TMEM132C: variants seen among roughly 807,000 people sequenced by gnomAD.
TMEM132C encodes transmembrane protein 132C, also known as protein phosphatase 1, regulatory subunit 152.
A neutral mutation model predicts 61.4 loss-of-function variants in TMEM132C; 29 were observed. That is an observed-to-expected ratio of 0.47 (90% CI 0.35 to 0.64). TMEM132C has a LOEUF of 0.64. Ranked by LOEUF, TMEM132C falls within the 30% of genes least tolerant of loss-of-function variation. The pLI is 0.00. For synonymous variants in TMEM132C, 656 were observed against 633.1 expected (o/e 1.04, Z -0.54); for missense variants, 1,408 against 1,476.9 (o/e 0.95, Z 0.76).
At chr12:128,521,292 C>G (rs1482093354) in intron 2 of TMEM132C, among the ~76,000 whole-genome samples, 1 of 138,768 alleles carries the variant, frequency 7.2e-6, no homozygotes, top group Non-Finnish European at 1.5e-5. Context: ...GACATCTGTG[C>G]TTCTGTATAT....
In TMEM132C at chr12:128,517,728, G is replaced by A. The variant is rs138111467; in HGVS notation, c.975-26229G>A. 5.3e-3 allele frequency among the ~76,000 whole-genome samples: 811 copies of A among 152,240 alleles called. 10 individuals carry two copies. Among genetic ancestry groups the A allele is most frequent in the African/African-American group, 0.018 (760 of 41,538 alleles). Reference sequence around the variant, plus strand: ...GTAAACATTGCAGACGTTGTTATTGGTAAAATTCTCCAAGCTTTACCCAGC... The same window carrying A: ...GTAAACATTGCAGACGTTGTTATTGATAAAATTCTCCAAGCTTTACCCAGC... On this transcript the variant is annotated intron_variant, in intron 2 of 8. Coordinates refer to ENST00000435159, the MANE Select transcript of TMEM132C (RefSeq NM_001136103.3).
At position 128,697,272 on chromosome 12, in the gene TMEM132C, G is replaced by A. The variant is rs1229358538; in HGVS notation, c.1978G>A (p.Val660Met). Reference sequence around the variant, plus strand: ...CATCCTGGCAGAGAAGACAATAACCGTGCTAGATGACAAAGTATCGGTGAC... The same window carrying A: ...CATCCTGGCAGAGAAGACAATAACCATGCTAGATGACAAAGTATCGGTGAC... ...DSILAEKTIT[V>M]LDDKVSVTDL... Residue 660 changes from valine to methionine, a missense_variant, in exon 8 of 9, where the codon GTG becomes ATG. By Grantham distance (21) the Val-to-Met change is conservative (BLOSUM62 1). Transcript: ENST00000435159. 7.0e-5 allele frequency: 109 copies of A among 1,547,406 alleles called. No homozygotes were observed. The highest frequency in any genetic ancestry group is 1.2e-4 in the East Asian group (5 of 40,800).
intron 2 of TMEM132C, among the ~76,000 whole-genome samples, chr12:128,467,755 G>A (rs1870785020): frequency 6.6e-6 from 1 of 152,184 alleles, no homozygotes; most frequent in South Asian, 2.1e-4. Context: ...GCTGCATCTG[G>A]AGCAAGCTGC....
chr12:128,548,684 C>T (rs991061404), intron 3 of TMEM132C, among the ~76,000 whole-genome samples: 1 of 152,166 alleles, frequency 6.6e-6, no homozygotes, highest in African/African-American at 2.4e-5. Context: ...CCACCCAAAT[C>T]TCAGTGATTT....
At chr12:128,587,429 A>C (rs1415523194) in intron 3 of TMEM132C, among the ~76,000 whole-genome samples, 1 of 152,192 alleles carries the variant, frequency 6.6e-6, no homozygotes, top group Non-Finnish European at 1.5e-5. Context: ...CAAGTCATGG[A>C]AGGCCCCACC....
At chr12:128,637,926 A>C (rs1299142808) in intron 4 of TMEM132C, among the ~76,000 whole-genome samples, 1 of 152,236 alleles carries the variant, frequency 6.6e-6, no homozygotes, top group East Asian at 1.9e-4. Context: ...CAGAATCAGC[A>C]AAAGAAAATG....
At chr12:128,398,017 G>A (rs1434655615) in intron 1 of TMEM132C, among the ~76,000 whole-genome samples, 2 of 152,004 alleles carry the variant, frequency 1.3e-5, no homozygotes, top group South Asian at 2.1e-4. Flanking sequence ...TTTTTCCCCC[G>A]ATTAACGTTA....
At chr12:128,681,965 C>G (rs955768010) in intron 5 of TMEM132C, among the ~76,000 whole-genome samples, 4 of 151,930 alleles carry the variant, frequency 2.6e-5, no homozygotes, top group African/African-American at 7.3e-5. Flanking sequence ...CCACCGTGCC[C>G]GGCCCAGATG....
intron 3 of TMEM132C, among the ~76,000 whole-genome samples, chr12:128,557,016 C>T (rs979937922): frequency 8.5e-5 from 13 of 152,182 alleles, no homozygotes; most frequent in Non-Finnish European, 4.4e-5. Context: ...AGGGGAACTC[C>T]TCTGAGTTCA....
At chr12:128,279,187 A>G (rs1013852441) in intron 1 of TMEM132C, among the ~76,000 whole-genome samples, 6 of 152,174 alleles carry the variant, frequency 3.9e-5, no homozygotes, top group African/African-American at 1.2e-4. Context: ...CTATTCTCCA[A>G]GCACACTCAT....
At position 128,609,449 on chromosome 12, in the gene TMEM132C, G is replaced by A. The variant is rs1480316645; in HGVS notation, c.1122-6703G>A. Among the ~76,000 whole-genome samples the A allele has an allele frequency of 7.3e-5, 11 of 151,658 alleles. No homozygotes were observed. The East Asian group carries it at 2.1e-3, about 30-fold the overall frequency. On this transcript the variant is annotated intron_variant, in intron 3 of 8. Coordinates refer to ENST00000435159, the MANE Select transcript of TMEM132C (RefSeq NM_001136103.3). ...TTTGTTTGTTTGTTTGTGGAGACAG[G>A]GTTTTGCCACGTTGCCCAGGCTGGT...
chr12:128,425,895 T>C (rs1869166527), intron 2 of TMEM132C, among the ~76,000 whole-genome samples: 1 of 152,224 alleles, frequency 6.6e-6, no homozygotes. Flanking sequence ...TTGGAGATCC[T>C]TAACTAATTC....
intron 4 of TMEM132C, among the ~76,000 whole-genome samples, chr12:128,662,031 C>T (rs1388163697): frequency 6.6e-6 from 1 of 151,934 alleles, no homozygotes; most frequent in Non-Finnish European, 1.5e-5. Flanking sequence ...AGGATCAGGA[C>T]TGGAAAAATG....
chr12:128,322,185 C>G lies in TMEM132C; in HGVS notation c.85+54698C>G, dbSNP rs537463952. 2.6e-5 allele frequency among the ~76,000 whole-genome samples: 4 copies of G among 152,340 alleles called. No homozygotes were observed. The East Asian group carries it at 7.7e-4, about 29-fold the overall frequency. On this transcript the variant is annotated intron_variant, in intron 1 of 8. Coordinates refer to ENST00000435159, the MANE Select transcript of TMEM132C (RefSeq NM_001136103.3). ...ATCTGTCTCTCTTGGGTTGCTTGCC[C>G]TTGGAACCCAGCCACCATGTTGTGA... is the stretch of plus-strand genomic sequence containing the variant.
chr12:128,678,322 C>T (rs930639187), intron 5 of TMEM132C, among the ~76,000 whole-genome samples: 4 of 152,164 alleles, frequency 2.6e-5, no homozygotes, highest in African/African-American at 9.7e-5. Flanking sequence ...ATTGCCCTAC[C>T]GTAGCCCCTT....
intron 1 of TMEM132C, among the ~76,000 whole-genome samples, chr12:128,358,822 T>C (rs1252919043): frequency 6.6e-6 from 1 of 152,128 alleles, no homozygotes; most frequent in Admixed American, 6.5e-5. Context: ...TTCCAAGATA[T>C]GTGAAGGAAA....
At chr12:128,475,554 G>A (rs1268978793) in intron 2 of TMEM132C, among the ~76,000 whole-genome samples, 1 of 151,994 alleles carries the variant, frequency 6.6e-6, no homozygotes, top group Non-Finnish European at 1.5e-5. Context: ...TACATGGTAT[G>A]TGAATTATAT....
intron 4 of TMEM132C, among the ~76,000 whole-genome samples, chr12:128,639,998 G>A (rs1330698390): frequency 6.6e-6 from 1 of 152,124 alleles, no homozygotes; most frequent in African/African-American, 2.4e-5. Context: ...CCAGATTCCT[G>A]ACTTAAAGAA....
intron 2 of TMEM132C, among the ~76,000 whole-genome samples, chr12:128,455,750 A>T (rs1403321908): frequency 6.6e-6 from 1 of 152,232 alleles, no homozygotes; most frequent in Non-Finnish European, 1.5e-5. Context: ...AGGAGAGAAC[A>T]GCCAAGGAAA....
Sources: gnomAD v4.1 joint callset for allele counts (sites outside exome capture counted in the v4.1 genomes callset) on GRCh38, gnomAD v4.1.1 for gene constraint, MANE v1.5 for transcripts, NCBI Gene and HGNC (gene_info 2026-07-23, HGNC 2026-07-21) for gene names.